Variants in SNTG1 observed in about 807,000 individuals in gnomAD.
SNTG1 encodes gamma-1-syntrophin.
In SNTG1, 39 loss-of-function variants were observed where a neutral mutation model predicts 74.7. The observed-to-expected ratio is 0.52, with a 90% CI of 0.40 to 0.68. The LOEUF (loss-of-function observed/expected upper bound fraction) is 0.68. Ranked by LOEUF, SNTG1 falls within the 30% of genes least tolerant of loss-of-function variation. The pLI, the probability that SNTG1 is intolerant of heterozygous loss-of-function variation, is 0.00. For missense variants in SNTG1, 685 were observed against 609.5 expected, an observed-to-expected ratio of 1.12 and a Z score of -1.30; for synonymous variants, 254 against 217.1, an observed-to-expected ratio of 1.17 and a Z score of -1.49.
At chr8:50,267,938 T>A (rs2087566390) in intron 2 of SNTG1, among the ~76,000 whole-genome samples, 1 of 152,144 alleles carries the variant, frequency 6.6e-6, no homozygotes, top group South Asian at 2.1e-4. Context: ...TACTAGAAGG[T>A]AAAGTCACAC....
At chr8:50,257,775 A>G (rs754203350) in intron 2 of SNTG1, among the ~76,000 whole-genome samples, 25 of 152,336 alleles carry the variant, frequency 1.6e-4, no homozygotes, top group Non-Finnish European at 3.2e-4. Flanking sequence ...GAGCAAGCTC[A>G]AAGAAGGACA....
intron 2 of SNTG1, among the ~76,000 whole-genome samples, chr8:50,174,875 C>A (rs530254112): frequency 7.7e-6 from 1 of 129,936 alleles, no homozygotes; most frequent in African/African-American, 2.9e-5. Context: ...CCCCACCCCA[C>A]AACAGTCCCC....
chr8:50,384,161 C>T (rs1321702107), intron 2 of SNTG1, among the ~76,000 whole-genome samples: 1 of 152,120 alleles, frequency 6.6e-6, no homozygotes, highest in Non-Finnish European at 1.5e-5. Flanking sequence ...TTTGACTCAG[C>T]CCTGCAAGAA....
At chr8:50,004,345 A>G (rs1303548900) in intron 1 of SNTG1, among the ~76,000 whole-genome samples, 1 of 152,172 alleles carries the variant, frequency 6.6e-6, no homozygotes, top group Non-Finnish European at 1.5e-5. Context: ...GGAAAACATG[A>G]TCACTTTAAG....
At chr8:50,502,211 A>G (rs2093965818) in intron 8 of SNTG1, among the ~76,000 whole-genome samples, 1 of 152,206 alleles carries the variant, frequency 6.6e-6, no homozygotes, top group African/African-American at 2.4e-5. Flanking sequence ...AATATTAAGT[A>G]GAATATGTAA....
rs183541748 is a variant in SNTG1 at position 50,497,923 on chromosome 8, T to A, written c.364-4855T>A. On this transcript the variant is annotated intron_variant, in intron 8 of 18. Transcript: ENST00000642720. ...TTATTTTATATTTATTCACCTGGTA[T>A]CATGTACCCATCACTCATTGCTTTT... 3.3e-5 allele frequency among the ~76,000 whole-genome samples: 5 copies of A among 152,154 alleles called. No homozygotes were observed. The South Asian group carries it at 1.0e-3, about 32-fold the overall frequency.
chr8:50,505,826 A>T (rs1272192438), intron 9 of SNTG1, among the ~76,000 whole-genome samples: 1 of 152,016 alleles, frequency 6.6e-6, no homozygotes, highest in African/African-American at 2.4e-5. Flanking sequence ...TCTGTTGATC[A>T]TTTTATTTAT....
chr8:49,964,187 G>A (rs1204934747), intron 1 of SNTG1, among the ~76,000 whole-genome samples: 2 of 152,208 alleles, frequency 1.3e-5, no homozygotes, highest in Non-Finnish European at 2.9e-5. Context: ...TAGACTTGGA[G>A]CAAAGTAGAT....
intron 2 of SNTG1, among the ~76,000 whole-genome samples, chr8:50,287,613 T>C (rs962848624): frequency 1.3e-5 from 2 of 152,168 alleles, no homozygotes; most frequent in Non-Finnish European, 2.9e-5. Context: ...TCCTTTCTGC[T>C]TCAGTCATAG....
chr8:50,247,998 G>T (rs909535604), intron 2 of SNTG1, among the ~76,000 whole-genome samples: 1 of 152,054 alleles, frequency 6.6e-6, no homozygotes. Context: ...CTTATATATG[G>T]TTATGGTCGT....
At chr8:50,755,606 C>A (rs139175962) in intron 18 of SNTG1, among the ~76,000 whole-genome samples, 3,913 of 151,944 alleles carry the variant, frequency 0.026, 66 homozygotes, top group Middle Eastern at 0.041. Flanking sequence ...TTTTCAACTT[C>A]TTTGGGTAAT....
intron 2 of SNTG1, among the ~76,000 whole-genome samples, chr8:50,178,209 A>T (rs563508020): frequency 5.3e-5 from 8 of 152,200 alleles, no homozygotes; most frequent in Admixed American, 1.3e-4. Context: ...CTGCTGCATC[A>T]AGTGGTAAGC....
chr8:50,050,750 GTCAACA>G (rs1484278588), intron 1 of SNTG1, among the ~76,000 whole-genome samples: 1 of 151,832 alleles, frequency 6.6e-6, no homozygotes, highest in Non-Finnish European at 1.5e-5. Flanking sequence ...AAAACTACAG[GTCAACA>G]TCCCATATCA....
At chr8:50,123,447 C>G (rs1479052897) in intron 1 of SNTG1, among the ~76,000 whole-genome samples, 1 of 142,120 alleles carries the variant, frequency 7.0e-6, no homozygotes. Flanking sequence ...CAGTTACACT[C>G]AGCTAAAATT....
chr8:50,767,735 C>T (rs976931123), intron 18 of SNTG1, among the ~76,000 whole-genome samples: 1 of 151,896 alleles, frequency 6.6e-6, no homozygotes, highest in African/African-American at 2.4e-5. Flanking sequence ...TCATTTATAA[C>T]TAAACATTCT....
At chr8:50,115,631 T>A (rs2080793245) in intron 1 of SNTG1, among the ~76,000 whole-genome samples, 1 of 149,090 alleles carries the variant, frequency 6.7e-6, no homozygotes, top group South Asian at 2.1e-4. Flanking sequence ...TATGATACTC[T>A]GCAGTTAAGG....
chr8:50,402,774 A>T (rs2092823308), intron 4 of SNTG1, among the ~76,000 whole-genome samples: 1 of 152,184 alleles, frequency 6.6e-6, no homozygotes, highest in African/African-American at 2.4e-5. Flanking sequence ...GCGGTCACTG[A>T]ACTCAGCGTG....
intron 1 of SNTG1, among the ~76,000 whole-genome samples, chr8:50,137,466 C>A: frequency 6.6e-6 from 1 of 152,158 alleles, no homozygotes; most frequent in East Asian, 1.9e-4. Flanking sequence ...AACCTGGCAG[C>A]AAACAAAACC....
chr8:49,935,214 T>TGC (rs1398701987), intron 1 of SNTG1, among the ~76,000 whole-genome samples: 1 of 149,230 alleles, frequency 6.7e-6, no homozygotes, highest in Non-Finnish European at 1.5e-5. Context: ...TGTGTGTGTG[T>TGC]GTGTGTGTGT....
Sources: allele counts gnomAD v4.1 joint callset (sites outside exome capture counted in the v4.1 genomes callset), GRCh38; gene constraint gnomAD v4.1.1; transcripts MANE v1.5; gene names NCBI Gene and HGNC (gene_info 2026-07-23, HGNC 2026-07-21).